Variants in BRINP3 observed in about 807,000 individuals in gnomAD.
BRINP3 encodes BMP/retinoic acid inducible neural specific 3.
BRINP3 carries 19 observed loss-of-function variants against 71.0 expected under a neutral mutation model. The ratio of observed to expected loss-of-function variants is 0.27; its 90% CI spans 0.19 to 0.39. The LOEUF (loss-of-function observed/expected upper bound fraction) is 0.39, where lower values mean the gene tolerates loss of function less well. BRINP3 is among the 10% of genes least tolerant of loss of function. The pLI is 1.00. For missense variants in BRINP3, 959 were observed against 940.8 expected (o/e 1.02, Z -0.25); for synonymous variants, 380 against 337.7 (o/e 1.13, Z -1.37).
chr1:190,292,011 G>A (rs1389932207), intron 2 of BRINP3, among the ~76,000 whole-genome samples: 1 of 152,090 alleles, frequency 6.6e-6, no homozygotes, highest in Non-Finnish European at 1.5e-5. Flanking sequence ...GAACCTGGAG[G>A]AGAGGACATT....
At chr1:190,318,960 A>T (rs911594700) in intron 2 of BRINP3, among the ~76,000 whole-genome samples, 1 of 152,104 alleles carries the variant, frequency 6.6e-6, no homozygotes, top group Non-Finnish European at 1.5e-5. Context: ...TCTTTCACTT[A>T]TTTTATGAAT....
intron 2 of BRINP3, among the ~76,000 whole-genome samples, chr1:190,317,645 A>T (rs1420140707): frequency 6.6e-6 from 1 of 152,128 alleles, no homozygotes; most frequent in Non-Finnish European, 1.5e-5. Context: ...CATTGAAAAA[A>T]AAATCACAAT....
chr1:190,328,509 G>A (rs1666754157), intron 2 of BRINP3, among the ~76,000 whole-genome samples: 1 of 151,810 alleles, frequency 6.6e-6, no homozygotes, highest in Non-Finnish European at 1.5e-5. Flanking sequence ...AAACTGAACA[G>A]AATAATATCT....
intron 2 of BRINP3, among the ~76,000 whole-genome samples, chr1:190,348,636 C>A (rs1185641324): frequency 6.6e-6 from 1 of 152,082 alleles, no homozygotes; most frequent in African/African-American, 2.4e-5. Context: ...CTAAATGACC[C>A]TGGAAATATA....
intron 6 of BRINP3, among the ~76,000 whole-genome samples, chr1:190,161,508 A>G (rs775443101): frequency 6.6e-6 from 1 of 151,976 alleles, no homozygotes; most frequent in Admixed American, 6.6e-5. Context: ...ATGACTAACC[A>G]TTTAAAACAT....
chr1:190,352,406 C>T (rs1420204266), intron 2 of BRINP3, among the ~76,000 whole-genome samples: 3 of 151,866 alleles, frequency 2.0e-5, no homozygotes, highest in African/African-American at 7.2e-5. Flanking sequence ...TTCATAGGTG[C>T]TAAATATTCT....
chr1:190,414,514 C>G (rs1334582454), intron 2 of BRINP3, among the ~76,000 whole-genome samples: 2 of 152,116 alleles, frequency 1.3e-5, no homozygotes, highest in East Asian at 3.9e-4. Context: ...TGTTTTCTGT[C>G]TTTGTATTCT....
At chr1:190,134,983 A>G (rs1205855561) in intron 7 of BRINP3, among the ~76,000 whole-genome samples, 2 of 152,050 alleles carry the variant, frequency 1.3e-5, no homozygotes, top group East Asian at 3.9e-4. Context: ...TACACATGTT[A>G]TTTAAGGATG....
At position 190,423,205 on chromosome 1, in the gene BRINP3, C is replaced by A. The variant is rs570938489; in HGVS notation, c.236+31450G>T. On this transcript the variant is annotated intron_variant, in intron 2 of 7. Transcript: ENST00000367462. ...GGAAGGCATTAAAGCACCAAATAGTCATTAAGGGCCCTATGACTCCTATGA... is the reference window on the plus strand; with the variant it reads ...GGAAGGCATTAAAGCACCAAATAGTAATTAAGGGCCCTATGACTCCTATGA... Among the ~76,000 whole-genome samples, 13 of 151,794 alleles carry A rather than the reference C, an allele frequency of 8.6e-5. No homozygotes were observed. The South Asian group carries it at 2.7e-3, about 31-fold the overall frequency.
rs10158838 is a variant in BRINP3, at chr1:190,459,146, A to T, written c.-50-4206T>A. On this transcript the variant is annotated intron_variant, in intron 1 of 7. Transcript: ENST00000367462. ...TAAATTCTTTCTCACAAAAAAAAAA[A>T]AAAATAACTGTGAAGACCACATCAT... Among the ~76,000 whole-genome samples, 710 of 151,608 alleles carry T rather than the reference A, an allele frequency of 4.7e-3. 5 individuals are homozygous for T. The highest frequency in any genetic ancestry group is 0.016 in the African/African-American group (681 of 41,438).
chr1:190,442,926 T>G (rs1386270178), intron 2 of BRINP3, among the ~76,000 whole-genome samples: 3 of 150,616 alleles, frequency 2.0e-5, no homozygotes, highest in Non-Finnish European at 4.4e-5. Flanking sequence ...TTTTTTTTTT[T>G]TGGCGACGGA....
intron 2 of BRINP3, among the ~76,000 whole-genome samples, chr1:190,386,616 C>G (rs564313186): frequency 6.6e-6 from 1 of 152,072 alleles, no homozygotes; most frequent in South Asian, 2.1e-4. Context: ...ATATTGCCTA[C>G]TGAATAAGTA....
At chr1:190,293,317 T>A (rs2102973530) in intron 2 of BRINP3, among the ~76,000 whole-genome samples, 1 of 152,294 alleles carries the variant, frequency 6.6e-6, no homozygotes, top group East Asian at 1.9e-4. Flanking sequence ...TTCCCATGTA[T>A]TTGTACAGTT....
chr1:190,164,332 A>G (rs949116969), intron 6 of BRINP3, among the ~76,000 whole-genome samples: 12 of 152,234 alleles, frequency 7.9e-5, no homozygotes, highest in Admixed American at 6.5e-4. Context: ...GTTTTTCATT[A>G]TTTGTAAGTA....
At chr1:190,107,990 A>G (rs1469029986) in intron 7 of BRINP3, among the ~76,000 whole-genome samples, 2 of 152,024 alleles carry the variant, frequency 1.3e-5, no homozygotes, top group African/African-American at 2.4e-5. Context: ...TAGGAGTTTG[A>G]TTGACTAAAA....
chr1:190,403,005 G>C (rs1183096413), intron 2 of BRINP3, among the ~76,000 whole-genome samples: 1 of 152,116 alleles, frequency 6.6e-6, no homozygotes, highest in African/African-American at 2.4e-5. Context: ...GGGATTACAG[G>C]AATGAGCTAC....
chr1:190,345,351 A>C (rs961136684), intron 2 of BRINP3, among the ~76,000 whole-genome samples: 2 of 151,836 alleles, frequency 1.3e-5, no homozygotes, highest in African/African-American at 4.8e-5. Flanking sequence ...TTGAAGCAAT[A>C]GTTTAGAGCT....
chr1:190,108,670 C>T (rs1571718794), intron 7 of BRINP3, among the ~76,000 whole-genome samples: 2 of 149,792 alleles, frequency 1.3e-5, no homozygotes, highest in South Asian at 2.1e-4. Flanking sequence ...GATGAATTAA[C>T]TTAAATTACT....
At chr1:190,344,921 A>G (rs74517724) in intron 2 of BRINP3, among the ~76,000 whole-genome samples, 3,065 of 151,978 alleles carry the variant, frequency 0.02, 53 homozygotes, top group Non-Finnish European at 0.03. Flanking sequence ...ACTCGCTTAA[A>G]GCAGAAGTAG....
Sources: gnomAD v4.1 joint callset for allele counts (sites outside exome capture counted in the v4.1 genomes callset) on GRCh38, gnomAD v4.1.1 for gene constraint, MANE v1.5 for transcripts, NCBI Gene and HGNC (gene_info 2026-07-23, HGNC 2026-07-21) for gene names.